WWOX: variants seen among roughly 807,000 people sequenced by gnomAD.
WWOX encodes WW domain containing oxidoreductase.
Under a neutral mutation model 46.2 loss-of-function variants are expected in WWOX, and 69 were observed. The observed-to-expected ratio is 1.49, with a 90% CI of 1.23 to 1.82. The LOEUF is 1.82. Among genes scored for constraint, WWOX ranks in the 40% most tolerant of loss-of-function variants. WWOX has a pLI of 0.00. For missense variants in WWOX, 919 were observed against 542.6 expected (o/e 1.69, Z -6.89); for synonymous variants, 359 against 202.6 (o/e 1.77, Z -6.56).
intron 6 of WWOX, among the ~76,000 whole-genome samples, chr16:78,387,574 G>C: frequency 6.6e-6 from 1 of 152,212 alleles, no homozygotes; most frequent in African/African-American, 2.4e-5. Context: ...AGGAGAAAGG[G>C]AGAGAAGCGG....
intron 8 of WWOX, among the ~76,000 whole-genome samples, chr16:79,059,216 G>A (rs746124911): frequency 6.6e-6 from 1 of 152,168 alleles, no homozygotes; most frequent in Non-Finnish European, 1.5e-5. Flanking sequence ...CCATGAATAT[G>A]CTATTACAGT....
intron 8 of WWOX, among the ~76,000 whole-genome samples, chr16:79,078,601 G>A (rs568172041): frequency 6.3e-4 from 96 of 152,266 alleles, no homozygotes; most frequent in African/African-American, 2.3e-3. Context: ...TGAGTTCCTG[G>A]GAGCATTTAA....
At chr16:78,202,283 A>G (rs78942434) in intron 5 of WWOX, among the ~76,000 whole-genome samples, 2,700 of 152,300 alleles carry the variant, frequency 0.018, 82 homozygotes, top group African/African-American at 0.061. Context: ...TGCCATGACC[A>G]TGAGGCCTCT....
intron 8 of WWOX, among the ~76,000 whole-genome samples, chr16:79,209,915 G>C (rs2051659693): frequency 6.6e-6 from 1 of 152,166 alleles, no homozygotes; most frequent in South Asian, 2.1e-4. Context: ...CATTAGACTT[G>C]AGCCACACAA....
At chr16:78,543,813 C>G (rs979645421) in intron 8 of WWOX, among the ~76,000 whole-genome samples, 31 of 152,158 alleles carry the variant, frequency 2.0e-4, no homozygotes, top group African/African-American at 7.0e-4. Flanking sequence ...TAAATTGCAT[C>G]TCCCGCAGGG....
In WWOX at chr16:78,936,957, G is replaced by A. The variant is rs536508206; in HGVS notation, c.1057-274651G>A. Among the ~76,000 whole-genome samples, 180 of 152,234 alleles carry A rather than the reference G, an allele frequency of 1.2e-3. 1 individual carries two copies. The highest frequency in any genetic ancestry group is 1.4e-3 in the Non-Finnish European group (92 of 68,018). On this transcript the variant is annotated intron_variant, in intron 8 of 8. Transcript: ENST00000566780. ...AAATCTTGTAAAGATGCTTTTTAAA[G>A]CATATTAATCCATTAGTAATCCATT...
chr16:78,577,576 G>A (rs2044918588), intron 8 of WWOX, among the ~76,000 whole-genome samples: 1 of 152,060 alleles, frequency 6.6e-6, no homozygotes, highest in African/African-American at 2.4e-5. Flanking sequence ...CCTAGCTTTG[G>A]GACGATGAAC....
At chr16:78,368,750 A>G (rs2081596092) in intron 5 of WWOX, among the ~76,000 whole-genome samples, 1 of 152,062 alleles carries the variant, frequency 6.6e-6, no homozygotes, top group Non-Finnish European at 1.5e-5. Context: ...TCTGCAACTT[A>G]GCTGGCTTTT....
intron 5 of WWOX, among the ~76,000 whole-genome samples, chr16:78,365,432 G>A (rs190405764): frequency 2.0e-4 from 30 of 152,298 alleles, no homozygotes; most frequent in Non-Finnish European, 3.7e-4. Flanking sequence ...GGCACACAGA[G>A]CATCCCACCA....
Position 78,164,196 on chromosome 16 carries a change from C to T in WWOX, c.423C>T (p.Ala141=). Residue 141 remains alanine, a synonymous_variant, in exon 5 of 9, where the codon GCC becomes GCT. Coordinates refer to ENST00000566780, the MANE Select transcript of WWOX (RefSeq NM_016373.4). ...GANSGIGFET[A]KSFALHGAHV... The stretch of plus-strand genomic sequence containing the variant: ...TTTAAACCATAGGGTTCGAAACCGC[C>T]AAGTCTTTTGCCCTCCATGGTGCAC... The T allele has an allele frequency of 6.2e-7, 1 of 1,614,000 alleles. No homozygotes were observed. Among genetic ancestry groups the T allele is most frequent in the African/African-American group, 1.3e-5 (1 of 75,036 alleles).
intron 8 of WWOX, among the ~76,000 whole-genome samples, chr16:78,913,104 A>G (rs542154836): frequency 2.0e-5 from 3 of 152,050 alleles, no homozygotes; most frequent in African/African-American, 7.2e-5. Flanking sequence ...CCCACATCTG[A>G]CATCCTGCCC....
intron 8 of WWOX, among the ~76,000 whole-genome samples, chr16:79,148,621 G>T (rs527330418): frequency 6.6e-6 from 1 of 152,158 alleles, no homozygotes; most frequent in East Asian, 1.9e-4. Context: ...GTTTTAATGG[G>T]GTTTAAATCT....
At chr16:79,079,285 A>T (rs745767182) in intron 8 of WWOX, among the ~76,000 whole-genome samples, 1 of 151,946 alleles carries the variant, frequency 6.6e-6, no homozygotes, top group African/African-American at 2.4e-5. Context: ...CCCATAAGTG[A>T]CTCACGTCAC....
intron 8 of WWOX, among the ~76,000 whole-genome samples, chr16:78,489,348 G>T (rs2151459073): frequency 6.6e-6 from 1 of 152,242 alleles, no homozygotes; most frequent in South Asian, 2.1e-4. Flanking sequence ...CCACATTGAG[G>T]ATTTTTTTCC....
intron 5 of WWOX, among the ~76,000 whole-genome samples, chr16:78,249,693 A>G (rs996055342): frequency 1.3e-5 from 2 of 152,202 alleles, no homozygotes; most frequent in African/African-American, 4.8e-5. Context: ...GTGGACCAAA[A>G]TGATCATTTC....
chr16:78,648,554 GACTTGGTCAGT>G (rs1265005129), intron 8 of WWOX, among the ~76,000 whole-genome samples: 1 of 152,146 alleles, frequency 6.6e-6, no homozygotes, highest in Non-Finnish European at 1.5e-5. Flanking sequence ...GAATGGTCAG[GACTTGGTCAGT>G]AATGCCCATT....
rs148688654 is a variant in WWOX, at chr16:78,349,693, G to C, written c.517-37167G>C. ...CCTTCCCAGACGTTTCATCAGCCAG[G>C]TGAAATTTGCAATTGTTTCAGTGAT... On this transcript the variant is annotated intron_variant, in intron 5 of 8. Coordinates refer to ENST00000566780, the MANE Select transcript of WWOX (RefSeq NM_016373.4). Among the ~76,000 whole-genome samples, 30 of 119,770 alleles carry C rather than the reference G, an allele frequency of 2.5e-4. 5 individuals carry two copies. Among genetic ancestry groups the C allele is most frequent in the African/African-American group, 7.9e-4 (28 of 35,462 alleles). 78.6% of individuals were successfully genotyped at this position (119,770 alleles called of 152,430 possible). A position where few individuals can be genotyped will look rare whatever the true frequency, so the allele number is the denominator to read the frequency against.
intron 8 of WWOX, among the ~76,000 whole-genome samples, chr16:78,541,167 C>T (rs1363494780): frequency 6.6e-6 from 1 of 152,084 alleles, no homozygotes; most frequent in Admixed American, 6.5e-5. Flanking sequence ...TATAAATACA[C>T]TTCTGTTATA....
chr16:78,920,137 C>G (rs757447101), intron 8 of WWOX, among the ~76,000 whole-genome samples: 9 of 152,136 alleles, frequency 5.9e-5, no homozygotes, highest in Non-Finnish European at 1.3e-4. Context: ...AGAGCTGGCT[C>G]TGCTTGCTCT....
Sources: gnomAD v4.1 joint callset for allele counts (sites outside exome capture counted in the v4.1 genomes callset) on GRCh38, gnomAD v4.1.1 for gene constraint, MANE v1.5 for transcripts, NCBI Gene and HGNC (gene_info 2026-07-23, HGNC 2026-07-21) for gene names.